DDX4: variants seen among roughly 807,000 people sequenced by gnomAD.
The protein encoded by DDX4 is probable ATP-dependent RNA helicase DDX4.
Under a neutral mutation model 100.0 loss-of-function variants are expected in DDX4, and 25 were observed. The ratio of observed to expected loss-of-function variants is 0.25; its 90% CI spans 0.18 to 0.35. The LOEUF (loss-of-function observed/expected upper bound fraction) is 0.35, where lower values mean the gene tolerates loss of function less well. DDX4 is among the 10% of genes least tolerant of loss of function. The pLI is 1.00. For synonymous variants in DDX4, 259 were observed against 275.7 expected (o/e 0.94, Z 0.60); for missense variants, 635 against 882.4 (o/e 0.72, Z 3.55).
chr5:55,763,287 CTT>C lies in DDX4; in HGVS notation c.283+36_283+37del, dbSNP rs376419934. 41 of 1,334,008 alleles carry C rather than the reference CTT, an allele frequency of 3.1e-5. No individual in the cohort carries two copies. The South Asian group carries it at 4.7e-4, about 15-fold the overall frequency. The allele number at this position is 1,334,008 out of a possible 1,614,324, so 82.6% of individuals were successfully genotyped here. On this transcript the variant is annotated intron_variant, in intron 5 of 21. Coordinates refer to ENST00000505374, the MANE Select transcript of DDX4 (RefSeq NM_024415.3). ...TGGTTATGATATCTTACAATCAAAA[CTT>C]GAGTGATTTTTTAATAATTGAGTTT...
At chr5:55,747,140 T>C (rs577419334) in intron 3 of DDX4, among the ~76,000 whole-genome samples, 1 of 152,220 alleles carries the variant, frequency 6.6e-6, no homozygotes, top group Admixed American at 6.5e-5. Flanking sequence ...CCCAGCACTC[T>C]GGGAGGCTGA....
At chr5:55,760,121 G>T in intron 3 of DDX4, 79 bp from the exon 4 acceptor site, 2 of 1,446,948 alleles carry the variant, frequency 1.4e-6, no homozygotes, top group East Asian at 2.8e-5. Context: ...TTTGCCACAT[G>T]TGGCACAGAA....
At chr5:55,775,796 C>T (rs1193571733) in intron 7 of DDX4, among the ~76,000 whole-genome samples, 1 of 152,050 alleles carries the variant, frequency 6.6e-6, no homozygotes, top group Non-Finnish European at 1.5e-5. Context: ...GCAGACTATA[C>T]CTTCTGGGAG....
chr5:55,762,311 A>C (rs1305533547), intron 4 of DDX4, among the ~76,000 whole-genome samples: 1 of 152,122 alleles, frequency 6.6e-6, no homozygotes, highest in Non-Finnish European at 1.5e-5. Flanking sequence ...CGTTCTTGCT[A>C]TCACATCTCT....
Position 55,816,550 on chromosome 5 carries a change from A to T in DDX4, c.*10A>T, listed in dbSNP as rs747238679. 2.5e-6 allele frequency: 4 copies of T among 1,611,048 alleles called. No homozygotes were observed. Among genetic ancestry groups the T allele is most frequent in the Non-Finnish European group, 3.4e-6 (4 of 1,178,840 alleles). On this transcript the variant is annotated 3_prime_UTR_variant, in exon 22 of 22. Transcript: ENST00000505374. The stretch of plus-strand genomic sequence containing the variant: ...TGAGTCATGGGATTAAAGCCAAAAC[A>T]TCCTTCAAGTCTGTGGTTTTGATGC...
chr5:55,773,416 T>C (rs780602524), intron 7 of DDX4, among the ~76,000 whole-genome samples: 5 of 152,168 alleles, frequency 3.3e-5, no homozygotes, highest in Non-Finnish European at 7.3e-5. Flanking sequence ...TACTTAGGAG[T>C]GGAATTGCTG....
intron 18 of DDX4, among the ~76,000 whole-genome samples, chr5:55,805,764 G>A (rs535078931): frequency 1.2e-3 from 182 of 152,302 alleles, no homozygotes; most frequent in African/African-American, 4.0e-3. Flanking sequence ...ATGTTCATCA[G>A]GGATATTGGT....
chr5:55,775,429 A>G lies in DDX4; in HGVS notation c.395-4535A>G, dbSNP rs547977210. ...AAATGCTGCGAAATTTGCTGTTTAA[A>G]AGAAAAAATTCCCTGGGTTGCTTCA... On this transcript the variant is annotated intron_variant, in intron 7 of 21. Transcript: ENST00000505374. Among the ~76,000 whole-genome samples the G allele has an allele frequency of 5.3e-5, 8 of 152,296 alleles. No individual in the cohort carries two copies. In the South Asian group the frequency reaches 1.5e-3, roughly 28 times the overall value.
At chr5:55,794,528 G>C (rs1426929636) in intron 17 of DDX4, among the ~76,000 whole-genome samples, 1 of 151,936 alleles carries the variant, frequency 6.6e-6, no homozygotes, top group Admixed American at 6.6e-5. Context: ...TGGAAATGGG[G>C]TATTTGCATT....
intron 6 of DDX4, among the ~76,000 whole-genome samples, chr5:55,765,410 AAAAATATAT>A (rs1183830008): frequency 3.6e-5 from 4 of 110,036 alleles, no homozygotes; most frequent in Admixed American, 1.1e-4. Context: ...AAAAAAAAAA[AAAAATATAT>A]ATATATATAT....
intron 18 of DDX4, among the ~76,000 whole-genome samples, chr5:55,813,268 CAATCATGGGAG>C (rs981295506): frequency 4.6e-5 from 7 of 152,004 alleles, no homozygotes; most frequent in Non-Finnish European, 1.0e-4. Flanking sequence ...ACACCTCAGG[CAATCATGGGAG>C]AATGAAAGAT....
chr5:55,750,154 T>G (rs983470651), intron 3 of DDX4: 3 of 155,948 alleles, frequency 1.9e-5, no homozygotes, highest in African/African-American at 7.2e-5. Flanking sequence ...GTGCAACTAG[T>G]ATTTGGAACA....
chr5:55,766,812 C>T (rs1740953166), intron 6 of DDX4: 1 of 1,197,418 alleles, frequency 8.4e-7, no homozygotes, highest in African/African-American at 1.6e-5. Context: ...TTGAAACCAT[C>T]TTTGTATTCC....
intron 2 of DDX4, chr5:55,742,076 G>C: frequency 4.5e-6 from 2 of 439,870 alleles, no homozygotes; most frequent in South Asian, 3.2e-5. Flanking sequence ...ATTTTGGGTA[G>C]AACTTCTCAA....
At chr5:55,767,148 A>T (rs1740974579) in intron 6 of DDX4, among the ~76,000 whole-genome samples, 1 of 152,228 alleles carries the variant, frequency 6.6e-6, no homozygotes, top group African/African-American at 2.4e-5. Context: ...TTTATTAAGA[A>T]TGGTAAATTG....
chr5:55,763,695 A>G (rs1253477752), intron 5 of DDX4, among the ~76,000 whole-genome samples: 1 of 152,274 alleles, frequency 6.6e-6, no homozygotes. Flanking sequence ...GAGAATTTTG[A>G]TGGTTTTAAA....
At chr5:55,788,895 A>G (rs1742390689) in intron 15 of DDX4, among the ~76,000 whole-genome samples, 2 of 152,146 alleles carry the variant, frequency 1.3e-5, no homozygotes, top group Admixed American at 6.5e-5. Context: ...GTGAAAACCC[A>G]TCTCTACAAA....
chr5:55,774,067 C>G (rs1741413239), intron 7 of DDX4, among the ~76,000 whole-genome samples: 1 of 151,836 alleles, frequency 6.6e-6, no homozygotes, highest in Non-Finnish European at 1.5e-5. Flanking sequence ...TTTTTATGTT[C>G]TAAGATTTAT....
chr5:55,752,251 T>C (rs1454064302), intron 3 of DDX4, among the ~76,000 whole-genome samples: 1 of 151,308 alleles, frequency 6.6e-6, no homozygotes, highest in African/African-American at 2.4e-5. Flanking sequence ...GTTACATATG[T>C]ATACATGTGC....
Sources: gnomAD v4.1 joint callset for allele counts (sites outside exome capture counted in the v4.1 genomes callset) on GRCh38, gnomAD v4.1.1 for gene constraint, MANE v1.5 for transcripts, NCBI Gene and HGNC (gene_info 2026-07-23, HGNC 2026-07-21) for gene names.